The following ANKRD11 variants were observed in gnomAD, a reference collection of about 807,000 sequenced individuals.
ANKRD11 encodes ankyrin repeat domain-containing protein 11.
In ANKRD11, 17 loss-of-function variants were observed where a neutral mutation model predicts 195.7. The observed-to-expected ratio is 0.09, with a 90% CI of 0.06 to 0.13. ANKRD11 has a LOEUF of 0.13. Among genes scored for constraint, ANKRD11 ranks in the 10% least tolerant of loss-of-function variants. The probability of loss-of-function intolerance (pLI) is 1.00; values close to 1 mark genes in which losing one functional copy is unlikely to be tolerated. For missense variants in ANKRD11, 3,735 were observed against 3,566.1 expected (o/e 1.05, Z -1.21); for synonymous variants, 1,953 against 1,528.1 (o/e 1.28, Z -6.49).
At chr16:89,441,275 C>G (rs2043452103) in intron 1 of ANKRD11, among the ~76,000 whole-genome samples, 3 of 151,876 alleles carry the variant, frequency 2.0e-5, no homozygotes, top group African/African-American at 7.3e-5. Flanking sequence ...GCGCTAAAAC[C>G]CTCTGGAGTG....
At chr16:89,402,308 T>C (rs991727840) in intron 2 of ANKRD11, among the ~76,000 whole-genome samples, 2 of 152,116 alleles carry the variant, frequency 1.3e-5, no homozygotes, top group African/African-American at 4.8e-5. Flanking sequence ...TCAGCGATAC[T>C]AATGTACAGT....
intron 1 of ANKRD11, among the ~76,000 whole-genome samples, chr16:89,448,814 G>A (rs188349496): frequency 1.3e-5 from 2 of 152,126 alleles, no homozygotes; most frequent in East Asian, 1.9e-4. Flanking sequence ...CCACCGGAGC[G>A]CACGTGAGTC....
chr16:89,324,686 C>T (rs1276916878), intron 2 of ANKRD11: 2 of 352,182 alleles, frequency 5.7e-6, no homozygotes, highest in Non-Finnish European at 1.1e-5. Context: ...TGCCCTCGAA[C>T]ATCAGACTCC....
At chr16:89,406,945 A>G (rs1381190833) in intron 2 of ANKRD11, among the ~76,000 whole-genome samples, 2 of 152,104 alleles carry the variant, frequency 1.3e-5, no homozygotes, top group African/African-American at 2.4e-5. Context: ...TTGGGAGGCC[A>G]GGGGAAGGGG....
rs764080217 is a variant in ANKRD11 at position 89,279,111 on chromosome 16, G to A, written c.7431C>T (p.Leu2477=). The A allele has an allele frequency of 8.1e-6, 13 of 1,614,088 alleles. 1 individual carries two copies. Among genetic ancestry groups the A allele is most frequent in the South Asian group, 6.6e-5 (6 of 91,086 alleles). Residue 2477 remains leucine, a synonymous_variant, in exon 9 of 13, where the codon CTC becomes CTT. Transcript: ENST00000301030. The surrounding 1 kb of genome is among the most constrained non-coding windows in gnomAD (Gnocchi z 5.6). ...AEYVTYTGSY[L]LDGKPLSKLH... is the part of the protein sequence containing the mutation. ...GCTTGCTGAGCGGCTTGCCGTCCAGGAGGTAGGAGCCCGTGTAGGTGACGT... is the reference window on the plus strand; with the variant it reads ...GCTTGCTGAGCGGCTTGCCGTCCAGAAGGTAGGAGCCCGTGTAGGTGACGT...
chr16:89,408,143 G>A (rs181409454), intron 2 of ANKRD11, among the ~76,000 whole-genome samples: 1 of 152,268 alleles, frequency 6.6e-6, no homozygotes, highest in African/African-American at 2.4e-5. Flanking sequence ...AAGGACTTGC[G>A]CATGGCCCCA....
intron 1 of ANKRD11, among the ~76,000 whole-genome samples, chr16:89,448,939 C>T (rs566363591): frequency 2.8e-4 from 43 of 152,292 alleles, no homozygotes; most frequent in Non-Finnish European, 4.6e-4. Flanking sequence ...TTTTACTTGC[C>T]CATATCACCA....
At chr16:89,421,785 G>T (rs986304012) in intron 1 of ANKRD11, among the ~76,000 whole-genome samples, 3 of 151,962 alleles carry the variant, frequency 2.0e-5, no homozygotes, top group African/African-American at 7.3e-5. Context: ...GTCCATGTCT[G>T]GGGGTGGGGG....
chr16:89,274,739 A>C, intron 11 of ANKRD11, 75 bp downstream of exon 11: 1 of 1,593,576 alleles, frequency 6.3e-7, no homozygotes, highest in Non-Finnish European at 8.5e-7. Flanking sequence ...AAAGTGCAGA[A>C]TCTATCAAGG....
intron 2 of ANKRD11, among the ~76,000 whole-genome samples, chr16:89,342,926 A>G (rs1018259296): frequency 6.6e-6 from 1 of 152,228 alleles, no homozygotes; most frequent in Non-Finnish European, 1.5e-5. Context: ...CCCAGAGCCC[A>G]AAACAGGCAT....
intron 2 of ANKRD11, among the ~76,000 whole-genome samples, chr16:89,407,806 G>A (rs1309888246): frequency 1.4e-5 from 2 of 145,932 alleles, no homozygotes; most frequent in South Asian, 2.2e-4. Flanking sequence ...GCCGTGATCC[G>A]GCCACTGCAC....
intron 2 of ANKRD11, among the ~76,000 whole-genome samples, chr16:89,338,106 ATCCCAGGACGCCGCCCGTCAGGC>A (rs2038467861): frequency 6.6e-6 from 1 of 152,144 alleles, no homozygotes; most frequent in Non-Finnish European, 1.5e-5. Context: ...CACTATGGCC[ATCCCAGGACGCCGCCCGTCAGGC>A]TCCCAGGACA....
At chr16:89,383,037 T>C (rs1335082284) in intron 2 of ANKRD11, among the ~76,000 whole-genome samples, 2 of 152,218 alleles carry the variant, frequency 1.3e-5, no homozygotes, top group Middle Eastern at 3.2e-3. Flanking sequence ...AAGGTAGTTA[T>C]TCAATTATGC....
chr16:89,427,824 C>T (rs932124145), intron 1 of ANKRD11, among the ~76,000 whole-genome samples: 4 of 151,688 alleles, frequency 2.6e-5, no homozygotes, highest in Non-Finnish European at 2.9e-5. Context: ...TCGTATGATG[C>T]CAGGTTTTTC....
At chr16:89,371,495 T>C (rs2040191000) in intron 2 of ANKRD11, among the ~76,000 whole-genome samples, 1 of 152,048 alleles carries the variant, frequency 6.6e-6, no homozygotes, top group Non-Finnish European at 1.5e-5. Context: ...GCCCAGGCTA[T>C]GTGGTCTGTA....
chr16:89,446,693 T>G (rs1186556672), intron 1 of ANKRD11, among the ~76,000 whole-genome samples: 2 of 152,156 alleles, frequency 1.3e-5, no homozygotes, highest in African/African-American at 4.8e-5. Context: ...GAGATCCTTG[T>G]GGCAGGACCC....
At chr16:89,350,991 C>T (rs561950851) in intron 2 of ANKRD11, among the ~76,000 whole-genome samples, 7 of 152,296 alleles carry the variant, frequency 4.6e-5, no homozygotes, top group African/African-American at 7.2e-5. Flanking sequence ...GATCTGGGTA[C>T]GCACACTCTG....
intron 1 of ANKRD11, among the ~76,000 whole-genome samples, chr16:89,437,495 T>G (rs1256902013): frequency 1.3e-5 from 2 of 152,052 alleles, no homozygotes; most frequent in Admixed American, 1.3e-4. Context: ...ACTCTCTCAC[T>G]GAGCAGCCCC....
chr16:89,403,422 G>A (rs1288293528), intron 2 of ANKRD11, among the ~76,000 whole-genome samples: 2 of 152,138 alleles, frequency 1.3e-5, no homozygotes, highest in African/African-American at 2.4e-5. Context: ...AGGGCAGAGC[G>A]GGGAACCCAA....
Sources: gnomAD v4.1 joint callset for allele counts (sites outside exome capture counted in the v4.1 genomes callset) on GRCh38, gnomAD v4.1.1 for gene constraint, Gnocchi (gnomAD v3.1) non-coding constraint, MANE v1.5 for transcripts, NCBI Gene and HGNC (gene_info 2026-07-23, HGNC 2026-07-21) for gene names.